Variants in CYP7B1 observed in about 807,000 individuals in gnomAD.
CYP7B1 encodes the protein cytochrome P450 7B1.
Under a neutral mutation model 42.7 loss-of-function variants are expected in CYP7B1, and 29 were observed. That is an observed-to-expected ratio of 0.68 (90% confidence interval 0.51 to 0.93). The LOEUF (loss-of-function observed/expected upper bound fraction) is 0.93, where lower values mean the gene tolerates loss of function less well. Ranked by LOEUF, CYP7B1 falls within the 40% of genes least tolerant of loss-of-function variation. The pLI, the probability that CYP7B1 is intolerant of heterozygous loss-of-function variation, is 0.00. For synonymous variants in CYP7B1, 235 were observed against 218.2 expected (o/e 1.08, Z -0.68); for missense variants, 655 against 600.5 (o/e 1.09, Z -0.95).
intron 1 of CYP7B1, among the ~76,000 whole-genome samples, chr8:64,694,426 AAGAAC>A (rs1295005503): frequency 4.6e-5 from 7 of 152,320 alleles, no homozygotes; most frequent in African/African-American, 1.7e-4. Context: ...CTAGATAAGG[AAGAAC>A]AGGGGAATTC....
chr8:64,641,851 A>C (rs1287204770), intron 1 of CYP7B1, among the ~76,000 whole-genome samples: 1 of 152,208 alleles, frequency 6.6e-6, no homozygotes, highest in African/African-American at 2.4e-5. Flanking sequence ...AAGTAAAAAA[A>C]AACATCACAC....
chr8:64,708,781 A>G (rs1335002770), intron 1 of CYP7B1, among the ~76,000 whole-genome samples: 1 of 152,238 alleles, frequency 6.6e-6, no homozygotes, highest in Non-Finnish European at 1.5e-5. Context: ...AGTACTAGTT[A>G]TTAAAATCAG....
chr8:64,731,429 G>A (rs974755189), intron 1 of CYP7B1, among the ~76,000 whole-genome samples: 9 of 152,152 alleles, frequency 5.9e-5, no homozygotes, highest in Admixed American at 3.9e-4. Flanking sequence ...CCCTGCCCTC[G>A]AGATCTATGG....
intron 1 of CYP7B1, among the ~76,000 whole-genome samples, chr8:64,694,679 T>C (rs942328088): frequency 2.0e-5 from 3 of 152,242 alleles, no homozygotes; most frequent in Non-Finnish European, 2.9e-5. Flanking sequence ...TTTTTATTTC[T>C]AGTCATTTAT....
At chr8:64,682,701 A>G (rs1234396071) in intron 1 of CYP7B1, among the ~76,000 whole-genome samples, 1 of 152,166 alleles carries the variant, frequency 6.6e-6, no homozygotes, top group African/African-American at 2.4e-5. Context: ...CACGTGCTCT[A>G]GAGCGTGCTG....
chr8:64,788,193 T>G lies in CYP7B1; in HGVS notation c.122+10273A>C, dbSNP rs529549442. ...GCATGAACTTTAGTTAACAATGATG[T>G]ATCAATATTGACTTCTCAATTGTAA... On this transcript the variant is annotated intron_variant, in intron 1 of 5. Coordinates refer to ENST00000310193, the MANE Select transcript of CYP7B1 (RefSeq NM_004820.5). Among the ~76,000 whole-genome samples the G allele has an allele frequency of 5.3e-5, 8 of 152,352 alleles. No homozygotes were observed. In the South Asian group the frequency reaches 1.7e-3, roughly 32 times the overall value.
At chr8:64,768,782 C>T (rs1490214916) in intron 1 of CYP7B1, among the ~76,000 whole-genome samples, 1 of 152,068 alleles carries the variant, frequency 6.6e-6, no homozygotes, top group Non-Finnish European at 1.5e-5. Flanking sequence ...TTTTAGGCAA[C>T]AAACAAATGT....
intron 2 of CYP7B1, among the ~76,000 whole-genome samples, chr8:64,617,144 T>A (rs1187559268): frequency 1.3e-5 from 2 of 152,222 alleles, no homozygotes; most frequent in East Asian, 3.8e-4. Context: ...TTTGAGGTGA[T>A]GACATTTACC....
chr8:64,651,607 G>T (rs1347109939), intron 1 of CYP7B1, among the ~76,000 whole-genome samples: 1 of 152,138 alleles, frequency 6.6e-6, no homozygotes, highest in African/African-American at 2.4e-5. Flanking sequence ...GTATTTGGGG[G>T]TGAGGCCTTT....
intron 1 of CYP7B1, among the ~76,000 whole-genome samples, chr8:64,646,605 C>T (rs1805957828): frequency 6.6e-6 from 1 of 152,188 alleles, no homozygotes; most frequent in Non-Finnish European, 1.5e-5. Flanking sequence ...CATCTTCTTC[C>T]AATAGAGGGC....
chr8:64,611,552 C>T (rs1283901583), intron 4 of CYP7B1, among the ~76,000 whole-genome samples: 1 of 152,064 alleles, frequency 6.6e-6, no homozygotes, highest in Non-Finnish European at 1.5e-5. Flanking sequence ...CATCAAATTT[C>T]GATGTGGACT....
intron 1 of CYP7B1, among the ~76,000 whole-genome samples, chr8:64,661,097 A>G (rs1294981613): frequency 6.6e-6 from 1 of 152,242 alleles, no homozygotes; most frequent in Non-Finnish European, 1.5e-5. Flanking sequence ...AATTTAAAAG[A>G]GAGCAAATCA....
intron 1 of CYP7B1, among the ~76,000 whole-genome samples, chr8:64,636,236 G>C (rs1309919391): frequency 6.6e-6 from 1 of 152,090 alleles, no homozygotes; most frequent in African/African-American, 2.4e-5. Context: ...CAGAACGAGG[G>C]TGCTGTAGTC....
At chr8:64,680,567 C>T (rs896463399) in intron 1 of CYP7B1, among the ~76,000 whole-genome samples, 1 of 149,650 alleles carries the variant, frequency 6.7e-6, no homozygotes, top group African/African-American at 2.5e-5. Flanking sequence ...TAAGAATTCA[C>T]AAAAAAAAAC....
intron 1 of CYP7B1, among the ~76,000 whole-genome samples, chr8:64,690,648 GTA>G (rs1452479769): frequency 6.6e-6 from 1 of 152,080 alleles, no homozygotes; most frequent in Non-Finnish European, 1.5e-5. Context: ...ATTTTCAGTA[GTA>G]TATATATGTT....
chr8:64,798,323 A>T, intron 1 of CYP7B1, 143 bp downstream of exon 1: 1 of 1,246,738 alleles, frequency 8.0e-7, no homozygotes, highest in African/African-American at 1.6e-5. Context: ...GTTATTACAA[A>T]GTCCCAAAGG....
intron 1 of CYP7B1, among the ~76,000 whole-genome samples, chr8:64,695,310 C>T (rs980259236): frequency 1.4e-4 from 22 of 152,230 alleles, no homozygotes; most frequent in Middle Eastern, 3.4e-3. Flanking sequence ...GGAAGGAAGT[C>T]CCTGCAGGTT....
At chr8:64,630,147 A>ATGG (rs1805668261) in intron 1 of CYP7B1, among the ~76,000 whole-genome samples, 1 of 152,140 alleles carries the variant, frequency 6.6e-6, no homozygotes, top group Non-Finnish European at 1.5e-5. Flanking sequence ...ATCAACAGAA[A>ATGG]GGAAGTGGGG....
At chr8:64,719,937 T>C (rs564825915) in intron 1 of CYP7B1, among the ~76,000 whole-genome samples, 1 of 152,304 alleles carries the variant, frequency 6.6e-6, no homozygotes, top group South Asian at 2.1e-4. Flanking sequence ...CCTTCCCATG[T>C]CTTTTTGGAG....
Sources: allele counts gnomAD v4.1 joint callset (sites outside exome capture counted in the v4.1 genomes callset), GRCh38; gene constraint gnomAD v4.1.1; transcripts MANE v1.5; gene names NCBI Gene and HGNC (gene_info 2026-07-23, HGNC 2026-07-21).